Variants in POLA1 observed in about 807,000 individuals in gnomAD.
The protein encoded by POLA1 is DNA polymerase alpha catalytic subunit.
In POLA1, 15 loss-of-function variants were observed where a neutral mutation model predicts 124.0. That is an observed-to-expected ratio of 0.12 (90% confidence interval 0.08 to 0.19). The LOEUF is 0.19. Ranked by LOEUF, POLA1 falls within the 10% of genes least tolerant of loss-of-function variation. POLA1 has a pLI of 1.00. For synonymous variants in POLA1, 408 were observed against 389.4 expected, an observed-to-expected ratio of 1.05 and a Z score of -0.56; for missense variants, 886 against 1,103.4, an observed-to-expected ratio of 0.80 and a Z score of 2.79.
chrX:24,733,071 A>G (rs1481265156), intron 16 of POLA1, among the ~76,000 whole-genome samples: 2 of 112,230 alleles, frequency 1.8e-5, no homozygotes, highest in African/African-American at 3.2e-5. Context: ...CCATTGACCT[A>G]TTATATTTCC....
intron 26 of POLA1, among the ~76,000 whole-genome samples, chrX:24,806,058 T>G (rs1406907441): frequency 3.5e-3 from 29 of 8,313 alleles, no homozygotes; most frequent in Non-Finnish European, 7.7e-3. Flanking sequence ...ATGAGGTTTT[T>G]TTTTTTTTTT....
intron 34 of POLA1, among the ~76,000 whole-genome samples, chrX:24,867,927 A>T (rs2046815115): frequency 2.7e-5 from 3 of 112,008 alleles, no homozygotes; most frequent in Non-Finnish European, 3.8e-5. Flanking sequence ...GAGAATGATG[A>T]TACCTTGTTA....
Position 24,703,300 on chromosome X carries a change from C to G in POLA1, c.218C>G (p.Ser73Trp). The change falls in exon 3 of 37, where the codon TCG (serine) becomes TGG (tryptophan). Residue 73 changes from serine to tryptophan, a missense_variant. By Grantham distance (177) the Ser-to-Trp change is radical. This residue lies in a region of POLA1 where 337 missense variants were observed against 402.8 expected (regional missense o/e 0.84). Transcript: ENST00000379068. The stretch of plus-strand genomic sequence containing the variant: ...GAAGAAGTTGATGAAGAACAGTATT[C>G]GAAGCTGGTTCAGGCACGCCAGGAT... ...VYEEVDEEQY[S>W]KLVQARQDDD... The G allele has an allele frequency of 1.7e-6, 2 of 1,205,645 alleles. No individual in the cohort carries two copies. Among genetic ancestry groups the G allele is most frequent in the Non-Finnish European group, 2.2e-6 (2 of 891,969 alleles).
intron 35 of POLA1, among the ~76,000 whole-genome samples, chrX:24,892,230 C>G (rs2047150511): frequency 9.1e-6 from 1 of 109,942 alleles, no homozygotes; most frequent in Non-Finnish European, 1.9e-5. Flanking sequence ...ACATATATTC[C>G]CTGAGTATTT....
intron 34 of POLA1, among the ~76,000 whole-genome samples, chrX:24,868,403 C>G (rs2046822758): frequency 9.0e-6 from 1 of 111,610 alleles, no homozygotes; most frequent in African/African-American, 3.3e-5. Flanking sequence ...GCTCGGGTAG[C>G]CAGAGTATTC....
chrX:24,977,759 A>T (rs940345847), intron 36 of POLA1, among the ~76,000 whole-genome samples: 4 of 112,146 alleles, frequency 3.6e-5, no homozygotes, highest in Non-Finnish European at 5.6e-5. Context: ...TGCTGGTCAG[A>T]TTCCCCAGAA....
rs1188000762 is a variant in POLA1 at position 24,900,325 on chromosome X, C to T, written c.4164+12203C>T. On this transcript the variant is annotated intron_variant, in intron 35 of 36. Coordinates refer to ENST00000379068, the MANE Select transcript of POLA1 (RefSeq NM_001330360.2). ...TAGACGATATATTGTCTTTCACTCACCCTGCAGAATTTTATTTTTAAGGCT... is the reference window on the plus strand; with the variant it reads ...TAGACGATATATTGTCTTTCACTCATCCTGCAGAATTTTATTTTTAAGGCT... Among the ~76,000 whole-genome samples, 3 of 111,976 alleles carry T rather than the reference C, an allele frequency of 2.7e-5. No homozygotes were observed. The Admixed American group carries it at 2.8e-4, about 11-fold the overall frequency.
At chrX:24,773,641 A>G (rs1024751674) in intron 26 of POLA1, among the ~76,000 whole-genome samples, 3 of 112,146 alleles carry the variant, frequency 2.7e-5, no homozygotes, top group African/African-American at 9.7e-5. Context: ...ATTAAATGTG[A>G]AGCACTGAGA....
In POLA1 at chrX:24,745,410, A is replaced by C; in HGVS notation, c.2567-8A>C. The C allele has an allele frequency of 8.7e-7, 1 of 1,145,750 alleles. No individual in the cohort carries two copies. The highest frequency in any genetic ancestry group is 2.0e-5 in the South Asian group (1 of 51,033). 94.4% of individuals were successfully genotyped at this position (1,145,750 alleles called of 1,213,427 possible). A position where few individuals can be genotyped will look rare whatever the true frequency, so the allele number is the denominator to read the frequency against. ...TAGACTTTTTATGACGTGGCTTTTTAATTTCAGGTTTTTATGATAAGTTCA... is the reference window on the plus strand; with the variant it reads ...TAGACTTTTTATGACGTGGCTTTTTCATTTCAGGTTTTTATGATAAGTTCA... On this transcript the variant is annotated splice_region_variant and splice_polypyrimidine_tract_variant and intron_variant, in intron 23 of 36. Transcript: ENST00000379068.
At chrX:24,945,899 A>C (rs2047955698) in intron 36 of POLA1, among the ~76,000 whole-genome samples, 2 of 111,669 alleles carry the variant, frequency 1.8e-5, no homozygotes, top group African/African-American at 6.5e-5. Flanking sequence ...GTATACGCTA[A>C]TGTAGCATCA....
At chrX:24,864,813 C>T (rs1435432832) in intron 34 of POLA1, among the ~76,000 whole-genome samples, 2 of 109,941 alleles carry the variant, frequency 1.8e-5, no homozygotes, top group African/African-American at 3.3e-5. Flanking sequence ...CTCTTATAGT[C>T]GTTCTTTTAT....
intron 36 of POLA1, among the ~76,000 whole-genome samples, chrX:24,968,779 G>A (rs1462946573): frequency 9.1e-6 from 1 of 110,044 alleles, no homozygotes; most frequent in Non-Finnish European, 1.9e-5. Context: ...TCCTCTCCAA[G>A]CGTCTAGCAC....
At chrX:24,706,541 T>C (rs1285825861) in intron 4 of POLA1, among the ~76,000 whole-genome samples, 1 of 112,330 alleles carries the variant, frequency 8.9e-6, no homozygotes, top group Non-Finnish European at 1.9e-5. Flanking sequence ...ATATATTTGA[T>C]TGGTTGAAAT....
intron 34 of POLA1, among the ~76,000 whole-genome samples, chrX:24,849,543 C>T (rs1459129735): frequency 9.0e-6 from 1 of 110,857 alleles, no homozygotes. Flanking sequence ...GATCATGGCT[C>T]ACTGCAGCCT....
chrX:24,726,911 CTTT>C lies in POLA1; in HGVS notation c.1393-13_1393-11del. 1.1e-6 allele frequency: 1 copy of C among 889,451 alleles called. No homozygotes were observed. Among genetic ancestry groups the C allele is most frequent in the Non-Finnish European group, 1.5e-6 (1 of 662,838 alleles). 73.3% of individuals were successfully genotyped at this position (889,451 alleles called of 1,213,427 possible). ...AGTAATAGTTTTAAACAAAAAGATT[CTTT>C]TTTTTTTTCCTTTTTCAGGCTGAAA... is the stretch of plus-strand genomic sequence containing the variant. On this transcript the variant is annotated intron_variant, in intron 13 of 36. Coordinates refer to ENST00000379068, the MANE Select transcript of POLA1 (RefSeq NM_001330360.2).
chrX:24,719,964 A>C (rs1185837816), intron 10 of POLA1, among the ~76,000 whole-genome samples: 2 of 110,487 alleles, frequency 1.8e-5, no homozygotes, highest in Non-Finnish European at 3.8e-5. Context: ...GGGACTGATC[A>C]GAAGGGCAAT....
At chrX:24,817,847 A>C (rs770754022) in intron 30 of POLA1, among the ~76,000 whole-genome samples, 12 of 109,041 alleles carry the variant, frequency 1.1e-4, no homozygotes, top group Non-Finnish European at 1.9e-4. Flanking sequence ...CTTGTGAGCT[A>C]TTCAGTTTCT....
At chrX:24,958,066 A>T (rs762703247) in intron 36 of POLA1, among the ~76,000 whole-genome samples, 1 of 111,092 alleles carries the variant, frequency 9.0e-6, no homozygotes, top group East Asian at 2.8e-4. Flanking sequence ...TGGGAGGTTA[A>T]GAGTAAAAAT....
intron 32 of POLA1, among the ~76,000 whole-genome samples, chrX:24,838,812 TACCTGTA>T (rs1351260576): frequency 8.9e-6 from 1 of 112,480 alleles, no homozygotes; most frequent in Non-Finnish European, 1.9e-5. Flanking sequence ...TCAGAATCTC[TACCTGTA>T]GGTGGCAGCA....
Sources: allele counts gnomAD v4.1 joint callset (sites outside exome capture counted in the v4.1 genomes callset), GRCh38; gene constraint gnomAD v4.1.1; regional missense constraint gnomAD v4.1.1; transcripts MANE v1.5; gene names NCBI Gene and HGNC (gene_info 2026-07-23, HGNC 2026-07-21).